ZNF821: variants seen among roughly 807,000 people sequenced by gnomAD.
ZNF821 encodes zinc finger protein 821.
A neutral mutation model predicts 44.3 loss-of-function variants in ZNF821; 16 were observed. The observed-to-expected ratio is 0.36, with a 90% CI of 0.24 to 0.55. The LOEUF (loss-of-function observed/expected upper bound fraction) is 0.55. ZNF821 is among the 20% of genes least tolerant of loss of function. The pLI is 0.86. For synonymous variants in ZNF821, 204 were observed against 197.6 expected, an observed-to-expected ratio of 1.03 and a Z score of -0.27; for missense variants, 436 against 547.6, an observed-to-expected ratio of 0.80 and a Z score of 2.03.
rs1253160550 is a variant in ZNF821 at position 71,860,392 on chromosome 16, T to G, written c.865A>C (p.Thr289Pro). 1 of 1,612,022 alleles carries G rather than the reference T, an allele frequency of 6.2e-7. No homozygotes were observed. Among genetic ancestry groups the G allele is most frequent in the Non-Finnish European group, 8.5e-7 (1 of 1,179,998 alleles). Residue 289 changes from threonine to proline, a missense_variant, in exon 8 of 8, where the codon ACC (threonine) becomes CCC (proline). By Grantham distance (38) the Thr-to-Pro change is conservative. Around this residue, in one of 5 missense-constraint regions of ZNF821, gnomAD observed 72 missense variants for 133.3 expected, o/e 0.54. Coordinates refer to ENST00000425432, the MANE Select transcript of ZNF821 (RefSeq NM_001201552.2). The surrounding 1 kb of genome is among the most constrained non-coding windows in gnomAD (Gnocchi z 7.3). ...CGCCTCACCTCCCGCTCCTCGGGGGTCTCATTGTCCCGCCGGCTCTTCTTG... is the reference window on the plus strand; with the variant it reads ...CGCCTCACCTCCCGCTCCTCGGGGGGCTCATTGTCCCGCCGGCTCTTCTTG... Reference protein sequence around the residue: ...TAKKSRRDNETPEEREVRRMR... With the variant: ...TAKKSRRDNEPPEEREVRRMR...
At chr16:71,879,625 CTGTT>C (rs1204464706) in intron 3 of ZNF821, among the ~76,000 whole-genome samples, 2 of 152,144 alleles carry the variant, frequency 1.3e-5, no homozygotes, top group African/African-American at 4.8e-5. Context: ...TATCCTATAA[CTGTT>C]TGTTAATGTG....
intron 6 of ZNF821, 87 bp from the exon 7 acceptor site, chr16:71,862,029 C>T (rs1951860026): frequency 6.8e-7 from 1 of 1,476,384 alleles, no homozygotes; most frequent in Non-Finnish European, 9.3e-7. Flanking sequence ...GGAAATGTCC[C>T]CTTTCTTTAG....
chr16:71,860,765 C>G lies in ZNF821; in HGVS notation c.585-93G>C. 10 of 1,317,462 alleles carry G rather than the reference C, an allele frequency of 7.6e-6. No homozygotes were observed. In the South Asian group the frequency reaches 1.3e-4, roughly 17 times the overall value. 81.6% of individuals were successfully genotyped at this position (1,317,462 alleles called of 1,614,324 possible). ...TATTCTTTTCCTATGAGGCCAGTGG[C>G]TCCACGCTCACCACAAGGGGTCAGT... On this transcript the variant is annotated intron_variant, in intron 7 of 7. Transcript: ENST00000425432. The surrounding 1 kb of genome is among the most constrained non-coding windows in gnomAD (Gnocchi z 7.3).
At chr16:71,870,662 T>C (rs1416491274) in intron 3 of ZNF821, among the ~76,000 whole-genome samples, 2 of 152,014 alleles carry the variant, frequency 1.3e-5, no homozygotes, top group Admixed American at 1.3e-4. Context: ...GTATTTTTAG[T>C]AGAGATGGGG....
intron 3 of ZNF821, among the ~76,000 whole-genome samples, chr16:71,874,907 CT>C (rs1246117165): frequency 6.6e-6 from 1 of 152,154 alleles, no homozygotes; most frequent in Non-Finnish European, 1.5e-5. Context: ...AAAAGATGAT[CT>C]TTTGAAAAGG....
At chr16:71,877,129 A>G (rs1191919346) in intron 3 of ZNF821, among the ~76,000 whole-genome samples, 1 of 152,188 alleles carries the variant, frequency 6.6e-6, no homozygotes, top group African/African-American at 2.4e-5. Context: ...GAGGTTTGCT[A>G]TTGTAATCTC....
At chr16:71,862,833 A>G (rs1297505039) in intron 6 of ZNF821, among the ~76,000 whole-genome samples, 1 of 152,152 alleles carries the variant, frequency 6.6e-6, no homozygotes, top group Admixed American at 6.6e-5. Context: ...GGTAAAAAGA[A>G]CACAAAAGTC....
chr16:71,888,422 C>A (rs1240119414), upstream of ZNF821, among the ~76,000 whole-genome samples: 2 of 152,044 alleles, frequency 1.3e-5, no homozygotes, highest in African/African-American at 4.8e-5. Flanking sequence ...GGTCTTCACT[C>A]CATTTTGAGT....
chr16:71,860,781 A>G lies in ZNF821; in HGVS notation c.585-109T>C. 8.8e-7 allele frequency: 1 copy of G among 1,138,692 alleles called. No individual in the cohort carries two copies. The highest frequency in any genetic ancestry group is 1.6e-5 in the South Asian group (1 of 63,924). 70.5% of individuals were successfully genotyped at this position (1,138,692 alleles called of 1,614,324 possible). On this transcript the variant is annotated intron_variant, in intron 7 of 7. Coordinates refer to ENST00000425432, the MANE Select transcript of ZNF821 (RefSeq NM_001201552.2). The surrounding 1 kb of genome is among the most constrained non-coding windows in gnomAD (Gnocchi z 7.3). Reference sequence around the variant, plus strand: ...GGCCAGTGGCTCCACGCTCACCACAAGGGGTCAGTTTGAATGCTTGGTGGA... The same window carrying G: ...GGCCAGTGGCTCCACGCTCACCACAGGGGGTCAGTTTGAATGCTTGGTGGA...
intron 3 of ZNF821, among the ~76,000 whole-genome samples, chr16:71,872,694 C>T (rs2335712): frequency 0.8 from 121,627 of 152,264 alleles, 48,951 homozygotes; most frequent in East Asian, 0.98. Context: ...AGGATTCCAT[C>T]TCTAGCTGAC....
At chr16:71,879,781 A>G (rs1369262524) in intron 3 of ZNF821, 126 bp downstream of exon 3, 5 of 897,948 alleles carry the variant, frequency 5.6e-6, no homozygotes, top group Non-Finnish European at 6.8e-6. Context: ...TGCTCAGCAA[A>G]CTGTGTTTTA....
At chr16:71,893,029 C>CTTTTTTTTTTTTTTTTTTTTT (rs1199482590) in intron 1 of ZNF821, among the ~76,000 whole-genome samples, 1 of 65,918 alleles carries the variant, frequency 1.5e-5, no homozygotes, top group Non-Finnish European at 2.6e-5. Flanking sequence ...CCCTGCCTGG[C>CTTTTTTTTTTTTTTTTTTTTT]TTTTTTTTTT....
At chr16:71,864,604 C>A in intron 5 of ZNF821, 1 of 443,514 alleles carries the variant, frequency 2.3e-6, no homozygotes, top group Non-Finnish European at 4.1e-6. Context: ...TTCAAGAGTC[C>A]ACCTTGGGAA....
intron 3 of ZNF821, among the ~76,000 whole-genome samples, chr16:71,877,934 T>C (rs1281307389): frequency 1.4e-5 from 2 of 147,200 alleles, no homozygotes; most frequent in African/African-American, 2.5e-5. Context: ...AAAAATTATA[T>C]ATATTATATA....
At chr16:71,877,915 A>G (rs1222592564) in intron 3 of ZNF821, among the ~76,000 whole-genome samples, 2 of 148,650 alleles carry the variant, frequency 1.3e-5, no homozygotes, top group African/African-American at 4.9e-5. Flanking sequence ...GCAACACCTC[A>G]TCTCAAAAAA....
chr16:71,866,713 C>T (rs1227607958), intron 4 of ZNF821, among the ~76,000 whole-genome samples: 1 of 152,154 alleles, frequency 6.6e-6, no homozygotes, highest in Non-Finnish European at 1.5e-5. Context: ...ACCTGCTACT[C>T]AAGAAAGTGG....
chr16:71,891,866 G>T (rs1472376667), intron 1 of ZNF821, among the ~76,000 whole-genome samples: 1 of 151,896 alleles, frequency 6.6e-6, no homozygotes, highest in Non-Finnish European at 1.5e-5. Flanking sequence ...AGGCGTGGTG[G>T]TGCAGGCCTG....
chr16:71,876,764 C>T (rs963602020), intron 3 of ZNF821, among the ~76,000 whole-genome samples: 1 of 152,016 alleles, frequency 6.6e-6, no homozygotes, highest in Non-Finnish European at 1.5e-5. Flanking sequence ...TGTGCCACCT[C>T]GCCCAGCTAA....
At chr16:71,865,319 T>C (rs145336608) in intron 4 of ZNF821, among the ~76,000 whole-genome samples, 285 of 152,304 alleles carry the variant, frequency 1.9e-3, no homozygotes, top group South Asian at 3.9e-3. Flanking sequence ...ATAATCTTTC[T>C]GACTCATGGT....
Sources: gnomAD v4.1 joint callset for allele counts (sites outside exome capture counted in the v4.1 genomes callset) on GRCh38, gnomAD v4.1.1 for gene constraint, gnomAD v4.1.1 regional missense constraint, Gnocchi (gnomAD v3.1) non-coding constraint, MANE v1.5 for transcripts, NCBI Gene and HGNC (gene_info 2026-07-23, HGNC 2026-07-21) for gene names.